Variants in MALRD1 observed in about 807,000 individuals in gnomAD.
The protein encoded by MALRD1 is MAM and LDL receptor class A domain containing 1.
Under a neutral mutation model 242.1 loss-of-function variants are expected in MALRD1, and 247 were observed. The ratio of observed to expected loss-of-function variants is 1.02; its 90% CI spans 0.92 to 1.13. The LOEUF (loss-of-function observed/expected upper bound fraction) is 1.13. Ranked by LOEUF, MALRD1 falls within the 50% of genes most tolerant of loss-of-function variation. MALRD1 has a pLI of 0.00. For synonymous variants in MALRD1, 995 were observed against 866.6 expected, an observed-to-expected ratio of 1.15 and a Z score of -2.60; for missense variants, 2,989 against 2,533.1, an observed-to-expected ratio of 1.18 and a Z score of -3.86.
chr10:19,358,998 G>T (rs1374912091), intron 26 of MALRD1, among the ~76,000 whole-genome samples: 1 of 152,138 alleles, frequency 6.6e-6, no homozygotes, highest in Non-Finnish European at 1.5e-5. Flanking sequence ...ATAAGAAATG[G>T]AGAAGAAAGA....
intron 38 of MALRD1, among the ~76,000 whole-genome samples, chr10:19,725,340 T>C (rs1357548552): frequency 6.6e-6 from 1 of 152,126 alleles, no homozygotes; most frequent in Non-Finnish European, 1.5e-5. Context: ...TAGACGGGGC[T>C]TTTCCGGCTT....
chr10:19,422,491 A>C (rs1012278868), intron 28 of MALRD1, among the ~76,000 whole-genome samples: 1 of 152,178 alleles, frequency 6.6e-6, no homozygotes, highest in African/African-American at 2.4e-5. Context: ...AGAGGATATA[A>C]GGATAGTAAA....
intron 31 of MALRD1, among the ~76,000 whole-genome samples, chr10:19,509,645 A>G (rs1334583790): frequency 6.6e-6 from 1 of 152,166 alleles, no homozygotes; most frequent in African/African-American, 2.4e-5. Flanking sequence ...AGTCAGCTGA[A>G]TGATTTGTTC....
At chr10:19,279,278 T>C (rs1408096689) in intron 19 of MALRD1, among the ~76,000 whole-genome samples, 1 of 152,198 alleles carries the variant, frequency 6.6e-6, no homozygotes, top group Admixed American at 6.5e-5. Context: ...TAGGAATACA[T>C]TGAAATAGAG....
intron 21 of MALRD1, among the ~76,000 whole-genome samples, chr10:19,303,973 A>G (rs1477358460): frequency 1.3e-5 from 2 of 151,712 alleles, no homozygotes; most frequent in African/African-American, 4.8e-5. Context: ...AGCATACATG[A>G]TCCTTAATTT....
chr10:19,143,925 C>T (rs1280883135), intron 10 of MALRD1, among the ~76,000 whole-genome samples: 2 of 152,104 alleles, frequency 1.3e-5, no homozygotes, highest in African/African-American at 4.8e-5. Flanking sequence ...AAGATTGTGT[C>T]AGAAAACAGA....
intron 32 of MALRD1, among the ~76,000 whole-genome samples, chr10:19,551,240 C>T (rs753452239): frequency 1.3e-5 from 2 of 152,014 alleles, no homozygotes; most frequent in Admixed American, 6.6e-5. Flanking sequence ...CAAATATTTC[C>T]TCCCATCGTC....
chr10:19,477,106 A>G lies in MALRD1; in HGVS notation c.5030-14411A>G, dbSNP rs371255190. Among the ~76,000 whole-genome samples the G allele has an allele frequency of 4.6e-5, 7 of 152,300 alleles. No homozygotes were observed. In the South Asian group the frequency reaches 8.3e-4, roughly 18 times the overall value. On this transcript the variant is annotated intron_variant, in intron 29 of 39. Transcript: ENST00000454679. ...GAATGCCTGCGGCTTGAAATGCACT[A>G]CAAGAATACGTTTTAACCTCTTAGT...
intron 18 of MALRD1, among the ~76,000 whole-genome samples, chr10:19,231,822 G>A (rs1448720679): frequency 1.3e-5 from 2 of 149,660 alleles, no homozygotes; most frequent in South Asian, 2.1e-4. Context: ...TCGGATCACC[G>A]AGTCCCGCTT....
chr10:19,203,435 A>G (rs144789603), intron 14 of MALRD1, among the ~76,000 whole-genome samples: 1 of 152,192 alleles, frequency 6.6e-6, no homozygotes, highest in African/African-American at 2.4e-5. Flanking sequence ...TGAATTAGGC[A>G]TACCTTGGCA....
chr10:19,451,085 T>A (rs1210991675), intron 29 of MALRD1, among the ~76,000 whole-genome samples: 1 of 152,214 alleles, frequency 6.6e-6, no homozygotes. Flanking sequence ...AACACCTCTC[T>A]TCCTTCCGTA....
chr10:19,570,416 C>T (rs142116019), intron 33 of MALRD1, among the ~76,000 whole-genome samples: 1 of 152,118 alleles, frequency 6.6e-6, no homozygotes, highest in African/African-American at 2.4e-5. Context: ...TATTATGTGA[C>T]ATTTGAAGTA....
intron 36 of MALRD1, among the ~76,000 whole-genome samples, chr10:19,622,958 A>C (rs1452389036): frequency 6.6e-6 from 1 of 152,024 alleles, no homozygotes; most frequent in Non-Finnish European, 1.5e-5. Flanking sequence ...AAGTATTTGG[A>C]AAAGGGTAAA....
At chr10:19,171,704 ATATATACGTATATACACG>A (rs1834969417) in intron 13 of MALRD1, among the ~76,000 whole-genome samples, 2 of 127,220 alleles carry the variant, frequency 1.6e-5, no homozygotes, top group East Asian at 5.1e-4. Flanking sequence ...ATGTGTGTGT[ATATATACGTATATACACG>A]TATATACGTA....
At chr10:19,227,807 T>G (rs1415361959) in intron 18 of MALRD1, among the ~76,000 whole-genome samples, 1 of 152,156 alleles carries the variant, frequency 6.6e-6, no homozygotes, top group Non-Finnish European at 1.5e-5. Context: ...ATGGGCCAAA[T>G]ATTTGTACAG....
intron 21 of MALRD1, among the ~76,000 whole-genome samples, chr10:19,314,630 T>C (rs1842561133): frequency 6.6e-6 from 1 of 151,646 alleles, no homozygotes; most frequent in Non-Finnish European, 1.5e-5. Flanking sequence ...GAGCAAACTA[T>C]AGCCTGTAAG....
At chr10:19,164,250 G>T (rs1285142469) in intron 12 of MALRD1, among the ~76,000 whole-genome samples, 1 of 152,096 alleles carries the variant, frequency 6.6e-6, no homozygotes, top group Admixed American at 6.5e-5. Flanking sequence ...CAAATAGAAT[G>T]CTTGGTGTTT....
At chr10:19,303,966 A>T (rs1268416755) in intron 21 of MALRD1, among the ~76,000 whole-genome samples, 1 of 151,732 alleles carries the variant, frequency 6.6e-6, no homozygotes, top group Non-Finnish European at 1.5e-5. Flanking sequence ...AAACAAAAGC[A>T]TACATGATCC....
chr10:19,651,180 G>A (rs998535199), intron 36 of MALRD1, among the ~76,000 whole-genome samples: 4 of 152,200 alleles, frequency 2.6e-5, no homozygotes, highest in Non-Finnish European at 5.9e-5. Flanking sequence ...CTTAGTTACA[G>A]TAATATTTTA....
Sources: gnomAD v4.1 joint callset for allele counts (sites outside exome capture counted in the v4.1 genomes callset) on GRCh38, gnomAD v4.1.1 for gene constraint, MANE v1.5 for transcripts, NCBI Gene and HGNC (gene_info 2026-07-23, HGNC 2026-07-21) for gene names.